Variants in C8B observed in about 807,000 individuals in gnomAD.
The protein encoded by C8B is complement component C8 beta chain.
C8B carries 67 observed loss-of-function variants against 64.6 expected under a neutral mutation model. The ratio of observed to expected loss-of-function variants is 1.04; its 90% confidence interval spans 0.85 to 1.27. The LOEUF (loss-of-function observed/expected upper bound fraction) is 1.27, where lower values mean the gene tolerates loss of function less well. Ranked by LOEUF, C8B falls within the 50% of genes most tolerant of loss-of-function variation. The probability of loss-of-function intolerance (pLI) is 0.00; values close to 1 mark genes in which losing one functional copy is unlikely to be tolerated. For missense variants in C8B, 790 were observed against 725.2 expected (o/e 1.09, Z -1.03); for synonymous variants, 284 against 257.7 (o/e 1.10, Z -0.98).
intron 5 of C8B, among the ~76,000 whole-genome samples, chr1:56,950,195 C>T (rs1305366632): frequency 6.6e-6 from 1 of 152,110 alleles, no homozygotes; most frequent in South Asian, 2.1e-4. Flanking sequence ...CTCCTGAAAT[C>T]TGGGAGTAAT....
At chr1:56,954,468 C>T (rs1427817048) in intron 4 of C8B, among the ~76,000 whole-genome samples, 1 of 152,196 alleles carries the variant, frequency 6.6e-6, no homozygotes, top group Non-Finnish European at 1.5e-5. Context: ...GTGTTCCAAA[C>T]CAGCCCTCCT....
At chr1:56,946,395 A>T (rs369844036) in intron 6 of C8B, among the ~76,000 whole-genome samples, 6 of 152,186 alleles carry the variant, frequency 3.9e-5, no homozygotes, top group African/African-American at 1.4e-4. Context: ...AACCTGCAAA[A>T]GTGCCCGCTT....
chr1:56,944,430 T>C (rs1184714385), intron 7 of C8B, among the ~76,000 whole-genome samples: 5 of 152,140 alleles, frequency 3.3e-5, no homozygotes, highest in Non-Finnish European at 4.4e-5. Context: ...CTGAGGCCAG[T>C]TCAGGGAGAA....
intron 9 of C8B, among the ~76,000 whole-genome samples, chr1:56,937,257 A>G (rs889478178): frequency 6.6e-6 from 1 of 152,142 alleles, no homozygotes. Context: ...CCACTCTTTT[A>G]TTATCACTGC....
At chr1:56,946,541 G>C (rs974531010) in intron 6 of C8B, among the ~76,000 whole-genome samples, 2 of 152,204 alleles carry the variant, frequency 1.3e-5, no homozygotes, top group African/African-American at 4.8e-5. Context: ...ACCTGTACCT[G>C]TAAATAAAGT....
In C8B at chr1:56,942,010, C is replaced by T. The variant is rs182789595; in HGVS notation, c.1235-998G>A. On this transcript the variant is annotated intron_variant, in intron 8 of 11. Transcript: ENST00000371237. ...ATCTATAAAGTGGATACTCTGCATC[C>T]GTGTAAAGAATAAATGGTATATTAA... Among the ~76,000 whole-genome samples the T allele has an allele frequency of 2.3e-3, 352 of 152,220 alleles. 10 individuals are homozygous for T. The highest frequency in any genetic ancestry group is 2.2e-4 in the Non-Finnish European group (15 of 68,014).
At chr1:56,959,839 G>A (rs1332117876) in intron 2 of C8B, among the ~76,000 whole-genome samples, 181 bp downstream of exon 2, 1 of 152,208 alleles carries the variant, frequency 6.6e-6, no homozygotes, top group African/African-American at 2.4e-5. Flanking sequence ...AAACACTGGA[G>A]AACCAAAGGA....
intron 1 of C8B, among the ~76,000 whole-genome samples, chr1:56,963,021 ATT>A (rs1645199747): frequency 6.6e-6 from 1 of 152,176 alleles, no homozygotes; most frequent in African/African-American, 2.4e-5. Flanking sequence ...TTTGAGGGAC[ATT>A]TATATTTTCC....
chr1:56,931,920 G>A (rs1644707931), intron 10 of C8B, 42 bp from the exon 11 acceptor site: 1 of 1,446,216 alleles, frequency 6.9e-7, no homozygotes, highest in African/African-American at 1.4e-5. Flanking sequence ...ATGCCAGGTG[G>A]AGCAAAGAAC....
chr1:56,949,984 A>G (rs2101425398), intron 5 of C8B, among the ~76,000 whole-genome samples: 1 of 152,234 alleles, frequency 6.6e-6, no homozygotes, highest in Non-Finnish European at 1.5e-5. Context: ...TTTGATTTGT[A>G]TTTCAACTGG....
intron 3 of C8B, 112 bp downstream of exon 3, chr1:56,956,657 T>G: frequency 2.5e-6 from 3 of 1,177,436 alleles, no homozygotes; most frequent in Non-Finnish European, 3.8e-6. Flanking sequence ...GGAGGCCTCC[T>G]GAGCTGCCCC....
At chr1:56,933,547 A>G in intron 9 of C8B, 59 bp from the exon 10 acceptor site, 1 of 1,438,218 alleles carries the variant, frequency 7.0e-7, no homozygotes, top group Non-Finnish European at 9.8e-7. Flanking sequence ...TAGAAGTGTA[A>G]AACAAAACTA....
At chr1:56,955,942 T>C (rs1645096749) in intron 3 of C8B, among the ~76,000 whole-genome samples, 1 of 152,206 alleles carries the variant, frequency 6.6e-6, no homozygotes, top group Non-Finnish European at 1.5e-5. Context: ...CTGAATGAAT[T>C]GAAAAGTTGT....
intron 6 of C8B, among the ~76,000 whole-genome samples, chr1:56,947,660 G>A (rs183104630): frequency 1.3e-5 from 2 of 152,210 alleles, no homozygotes; most frequent in East Asian, 1.9e-4. Context: ...GGCCGGGAGT[G>A]GTGGCTCACA....
intron 1 of C8B, among the ~76,000 whole-genome samples, chr1:56,962,643 G>C (rs1048100543): frequency 6.6e-6 from 1 of 152,202 alleles, no homozygotes; most frequent in African/African-American, 2.4e-5. Flanking sequence ...CTCACATCCA[G>C]ATTGGCAGTT....
chr1:56,944,856 T>C (rs1644918304), intron 7 of C8B, among the ~76,000 whole-genome samples: 2 of 152,216 alleles, frequency 1.3e-5, no homozygotes, highest in South Asian at 4.1e-4. Context: ...GCTCCACCAC[T>C]GCAATCTGTG....
chr1:56,950,902 C>T (rs1375104412), intron 5 of C8B, among the ~76,000 whole-genome samples: 1 of 152,058 alleles, frequency 6.6e-6, no homozygotes, highest in Non-Finnish European at 1.5e-5. Flanking sequence ...TCCACTTGCA[C>T]CTGGATGGTA....
chr1:56,949,082 T>C (rs1397365492), intron 6 of C8B, among the ~76,000 whole-genome samples: 3 of 152,106 alleles, frequency 2.0e-5, no homozygotes, highest in Non-Finnish European at 2.9e-5. Context: ...ACGTGGAATA[T>C]AGACACATTT....
At chr1:56,934,472 T>C (rs1248560854) in intron 9 of C8B, among the ~76,000 whole-genome samples, 2 of 152,154 alleles carry the variant, frequency 1.3e-5, no homozygotes, top group Admixed American at 6.5e-5. Flanking sequence ...ACAGTCCAAA[T>C]AGATAGTTAA....
Sources: allele counts gnomAD v4.1 joint callset (sites outside exome capture counted in the v4.1 genomes callset), GRCh38; gene constraint gnomAD v4.1.1; transcripts MANE v1.5; gene names NCBI Gene and HGNC (gene_info 2026-07-23, HGNC 2026-07-21).